Variants in ZNF500 observed in about 807,000 individuals in gnomAD.
ZNF500 encodes zinc finger protein 500.
In ZNF500, 31 loss-of-function variants were observed where a neutral mutation model predicts 30.1. That is an observed-to-expected ratio of 1.03 (90% CI 0.77 to 1.39). ZNF500 has a LOEUF of 1.39. Among genes scored for constraint, ZNF500 ranks in the 40% most tolerant of loss-of-function variants. The probability of loss-of-function intolerance (pLI) is 0.00; values close to 1 mark genes in which losing one functional copy is unlikely to be tolerated. For missense variants in ZNF500, 817 were observed against 657.8 expected (o/e 1.24, Z -2.65); for synonymous variants, 392 against 282.0 (o/e 1.39, Z -3.91).
At chr16:4,746,951 T>TGAG (rs763869305), downstream of ZNF500, 94 of 1,553,524 alleles carry the variant, frequency 6.1e-5, no homozygotes, top group Middle Eastern at 1.7e-4. Context: ...CCTCTGACAG[T>TGAG]GAGGAGGAGG....
At chr16:4,746,568 G>C (rs1324258708), downstream of ZNF500, 31 of 1,558,540 alleles carry the variant, frequency 2.0e-5, no homozygotes, top group Non-Finnish European at 2.6e-5. Flanking sequence ...GTTGCCTGTT[G>C]ACCGCACAGA....
intron 4 of ZNF500, among the ~76,000 whole-genome samples, chr16:4,761,702 A>G (rs1232707574): frequency 6.6e-6 from 1 of 151,286 alleles, no homozygotes; most frequent in Non-Finnish European, 1.5e-5. Flanking sequence ...ACAAAAAAAA[A>G]ACAACTAGCC....
chr16:4,744,970 C>G (rs559705898), downstream of ZNF500: 13 of 1,613,832 alleles, frequency 8.1e-6, no homozygotes, highest in East Asian at 2.2e-5. Flanking sequence ...AGGTGCCTGC[C>G]GACACTCCCC....
chr16:4,752,240 G>C lies in ZNF500; in HGVS notation c.*136C>G. The C allele has an allele frequency of 7.0e-7, 1 of 1,424,058 alleles. No individual in the cohort carries two copies. The highest frequency in any genetic ancestry group is 9.1e-7 in the Non-Finnish European group (1 of 1,095,010). The allele number at this position is 1,424,058 out of a possible 1,614,324, so 88.2% of individuals were successfully genotyped here. A position where few individuals can be genotyped will look rare whatever the true frequency, so the allele number is the denominator to read the frequency against. On this transcript the variant is annotated 3_prime_UTR_variant, in exon 6 of 6. Transcript: ENST00000219478. ...CCTCTGCGGCCTGGGCATCCCAAATGTCCCCTGCTGGCCTCATACTGGGCC... is the reference window on the plus strand; with the variant it reads ...CCTCTGCGGCCTGGGCATCCCAAATCTCCCCTGCTGGCCTCATACTGGGCC...
Position 4,752,918 on chromosome 16 carries a change from A to G in ZNF500, c.901T>C (p.Leu301=). 1 of 1,613,788 alleles carries G rather than the reference A, an allele frequency of 6.2e-7. No homozygotes were observed. The highest frequency in any genetic ancestry group is 1.1e-5 in the South Asian group (1 of 91,082). The part of the protein sequence containing the change: ...PGQRPAPVRG[L]VRPDQPRGGP... ...CCTCTTGGCTGATCAGGCCTGACCA[A>G]GCCCCTGACTGGGGCTGGCCTCTGA... Residue 301 remains leucine (L), a synonymous_variant, in exon 6 of 6, where the codon TTG becomes CTG. Transcript: ENST00000219478.
rs969047118 is a variant in ZNF500 at position 4,750,632 on chromosome 16, G to A, written c.*1744C>T. On this transcript the variant is annotated 3_prime_UTR_variant, in exon 6 of 6. Coordinates refer to ENST00000219478, the MANE Select transcript of ZNF500 (RefSeq NM_021646.4). ...GCTTCCCGAGTAGCTGGGACTACAG[G>A]CACGTGCCACGCCACCATGCCTAGC... 1 of 152,092 alleles carries A rather than the reference G, an allele frequency of 6.6e-6. No homozygotes were observed. Among genetic ancestry groups the A allele is most frequent in the African/African-American group, 2.4e-5 (1 of 41,354 alleles). 9.4% of individuals were successfully genotyped at this position (152,092 alleles called of 1,614,324 possible).
At chr16:4,747,690 C>G, downstream of ZNF500, 1 of 1,501,700 alleles carries the variant, frequency 6.7e-7, no homozygotes, top group Non-Finnish European at 8.9e-7. Flanking sequence ...GACCCTGGGC[C>G]CCGGTGTCCC....
At position 4,749,918 on chromosome 16, in the gene ZNF500, T is replaced by A. The variant is rs2082062243; in HGVS notation, c.*2458A>T. On this transcript the variant is annotated 3_prime_UTR_variant, in exon 6 of 6. Transcript: ENST00000219478. The stretch of plus-strand genomic sequence containing the variant: ...CTGGGACTCACAGCTCCTACAAAAC[T>A]CTCCCATCACGTGAGTGCTGAGGAT... 1 of 151,940 alleles carries A rather than the reference T, an allele frequency of 6.6e-6. No homozygotes were observed. The highest frequency in any genetic ancestry group is 2.4e-5 in the African/African-American group (1 of 41,308). 9.4% of individuals were successfully genotyped at this position (151,940 alleles called of 1,614,324 possible).
At position 4,751,600 on chromosome 16, in the gene ZNF500, T is replaced by C. The variant is rs1567516037; in HGVS notation, c.*776A>G. Reference sequence around the variant, plus strand: ...TGGGAAGGCTGGGGTACAGCAGGGCTCCCTGCAGCAGACGAGGGGTCCCTC... The same window carrying C: ...TGGGAAGGCTGGGGTACAGCAGGGCCCCCTGCAGCAGACGAGGGGTCCCTC... On this transcript the variant is annotated 3_prime_UTR_variant, in exon 6 of 6. Coordinates refer to ENST00000219478, the MANE Select transcript of ZNF500 (RefSeq NM_021646.4). 6.5e-7 allele frequency: 1 copy of C among 1,535,128 alleles called. No individual in the cohort carries two copies. The highest frequency in any genetic ancestry group is 2.0e-5 in the Admixed American group (1 of 50,972).
chr16:4,747,444 G>A, downstream of ZNF500: 1 of 1,613,118 alleles, frequency 6.2e-7, no homozygotes, highest in Non-Finnish European at 8.5e-7. Context: ...GCGGGTGGGA[G>A]GGCTCAGGCC....
rs2082059954 is a variant in ZNF500 at position 4,749,606 on chromosome 16, A to G, written c.*2770T>C. The G allele has an allele frequency of 6.6e-6, 1 of 152,250 alleles. No homozygotes were observed. Among genetic ancestry groups the G allele is most frequent in the African/African-American group, 2.4e-5 (1 of 41,452 alleles). The allele number at this position is 152,250 out of a possible 1,614,324, so 9.4% of individuals were successfully genotyped here. Reference sequence around the variant, plus strand: ...GAGGTGGGTGGATCACAAGGTCGGGAGTTCAAGACCAGCCTGACCAACATG... The same window carrying G: ...GAGGTGGGTGGATCACAAGGTCGGGGGTTCAAGACCAGCCTGACCAACATG... On this transcript the variant is annotated 3_prime_UTR_variant, in exon 6 of 6. Coordinates refer to ENST00000219478, the MANE Select transcript of ZNF500 (RefSeq NM_021646.4).
chr16:4,759,611 C>T (rs1371802806), intron 5 of ZNF500, among the ~76,000 whole-genome samples: 1 of 152,082 alleles, frequency 6.6e-6, no homozygotes, highest in African/African-American at 2.4e-5. Flanking sequence ...TTGTCAACTT[C>T]TGTAAGCAAC....
chr16:4,751,940 TACAC>T lies in ZNF500; in HGVS notation c.*432_*435del, dbSNP rs1567516742. The stretch of plus-strand genomic sequence containing the variant: ...AAAGGGGGGGGGAGCAGGTGGGGGG[TACAC>T]ACAGAGACAGCGCACAGGGTCACAG... On this transcript the variant is annotated 3_prime_UTR_variant, in exon 6 of 6. Transcript: ENST00000219478. 1 of 360,688 alleles carries T rather than the reference TACAC, an allele frequency of 2.8e-6. No homozygotes were observed. The highest frequency in any genetic ancestry group is 4.0e-6 in the Non-Finnish European group (1 of 249,200). The allele number at this position is 360,688 out of a possible 1,614,324, so 22.3% of individuals were successfully genotyped here.
chr16:4,745,032 C>G, downstream of ZNF500: 2 of 1,608,726 alleles, frequency 1.2e-6, no homozygotes, highest in Non-Finnish European at 1.7e-6. Flanking sequence ...TAGCCAGGCC[C>G]GGCTCCTGTG....
chr16:4,759,513 G>A (rs571195425), intron 5 of ZNF500, among the ~76,000 whole-genome samples: 1 of 152,286 alleles, frequency 6.6e-6, no homozygotes, highest in East Asian at 1.9e-4. Context: ...AAATTCTGGA[G>A]GTTTCCCAAA....
chr16:4,755,537 G>A (rs533471403), intron 5 of ZNF500, among the ~76,000 whole-genome samples: 1 of 151,664 alleles, frequency 6.6e-6, no homozygotes, highest in African/African-American at 2.4e-5. Context: ...GGCTGGTCTC[G>A]AACTCCTGAC....
At chr16:4,746,572 G>A (rs541171905), downstream of ZNF500, 405 of 1,542,690 alleles carry the variant, frequency 2.6e-4, no homozygotes, top group Non-Finnish European at 3.3e-4. Flanking sequence ...CCTGTTGACC[G>A]CACAGAGCCT....
At position 4,760,549 on chromosome 16, in the gene ZNF500, C is replaced by A; in HGVS notation, c.703G>T (p.Gly235Trp). ...GGGTCCATGCATCTTGGCTCCTCCC[C>A]AGAAAGGTATACAGCCACGTCCTCC... ...NLEDVAVYLS[G>W]EEPRCMDPAQ... The change falls in exon 5 of 6, where the codon GGG (glycine) becomes TGG (tryptophan). Residue 235 changes from glycine (G) to tryptophan (W), a missense_variant. Physicochemically the swap from Gly to Trp is radical, Grantham distance 184. Transcript: ENST00000219478. 1 of 1,613,786 alleles carries A rather than the reference C, an allele frequency of 6.2e-7. No homozygotes were observed. Among genetic ancestry groups the A allele is most frequent in the Non-Finnish European group, 8.5e-7 (1 of 1,179,830 alleles).
At position 4,752,562 on chromosome 16, in the gene ZNF500, G is replaced by T. The variant is rs966988067; in HGVS notation, c.1257C>A (p.Asn419Lys). The T allele has an allele frequency of 6.3e-7, 1 of 1,575,502 alleles. No individual in the cohort carries two copies. Among genetic ancestry groups the T allele is most frequent in the Non-Finnish European group, 8.6e-7 (1 of 1,163,346 alleles). ...GGTGGGCGCTGAAGTGCGAGCTGTT[G>T]TTGAAGCGCTTCCCGCACTGGGTGC... Reference protein sequence around the residue: ...YACTQCGKRFNNSSHFSAHRR... With the variant: ...YACTQCGKRFKNSSHFSAHRR... The change falls in exon 6 of 6, where the codon AAC becomes AAA. Residue 419 changes from asparagine (N) to lysine (K), a missense_variant. Coordinates refer to ENST00000219478, the MANE Select transcript of ZNF500 (RefSeq NM_021646.4).
Sources: gnomAD v4.1 joint callset for allele counts (sites outside exome capture counted in the v4.1 genomes callset) on GRCh38, gnomAD v4.1.1 for gene constraint, MANE v1.5 for transcripts, NCBI Gene and HGNC (gene_info 2026-07-23, HGNC 2026-07-21) for gene names.